The following RTKN variants were observed in gnomAD, a reference collection of about 807,000 sequenced individuals.
RTKN encodes rhotekin.
A neutral mutation model predicts 63.5 loss-of-function variants in RTKN; 49 were observed. The ratio of observed to expected loss-of-function variants is 0.77; its 90% CI spans 0.61 to 0.98. The LOEUF is 0.98. Ranked by LOEUF, RTKN falls within the 50% of genes least tolerant of loss-of-function variation. RTKN has a pLI of 0.00. For missense variants in RTKN, 685 were observed against 740.8 expected, an observed-to-expected ratio of 0.92 and a Z score of 0.87; for synonymous variants, 295 against 290.4, an observed-to-expected ratio of 1.02 and a Z score of -0.16.
At chr2:74,433,009 A>C (rs565449688) in intron 1 of RTKN, among the ~76,000 whole-genome samples, 41 of 152,196 alleles carry the variant, frequency 2.7e-4, no homozygotes, top group African/African-American at 9.1e-4. Context: ...TTTGGGAGGC[A>C]GAGGCAGGCG....
chr2:74,428,108 T>G, intron 9 of RTKN, 160 bp downstream of exon 9: 1 of 810,232 alleles, frequency 1.2e-6, no homozygotes, highest in Non-Finnish European at 2.0e-6. Context: ...AGTGATGCTG[T>G]AGTTGGGGAA....
At chr2:74,440,220 G>C in intron 1 of RTKN, 1 of 497,782 alleles carries the variant, frequency 2.0e-6, no homozygotes, top group Non-Finnish European at 2.6e-6. Context: ...AGCCACACAG[G>C]TGAGGACCTC....
chr2:74,433,256 A>C (rs966537200), intron 1 of RTKN, among the ~76,000 whole-genome samples: 26 of 150,086 alleles, frequency 1.7e-4, no homozygotes, highest in South Asian at 8.3e-4. Context: ...AAAAAAAAAA[A>C]CATATATATA....
rs1305253177 is a variant in RTKN, at chr2:74,427,194, C to A, written c.1335G>T (p.Lys445Asn). 1 of 1,614,074 alleles carries A rather than the reference C, an allele frequency of 6.2e-7. No homozygotes were observed. Among genetic ancestry groups the A allele is most frequent in the Admixed American group, 1.7e-5 (1 of 60,022 alleles). The change falls in exon 11 of 12, where the codon AAG (lysine) becomes AAT (asparagine). Residue 445 changes from lysine to asparagine, a missense_variant. Coordinates refer to ENST00000272430, the MANE Select transcript of RTKN (RefSeq NM_001015055.2). ...APRKPPQALA[K>N]QGSLYHEMAI... is the part of the protein sequence containing the mutation. Reference sequence around the variant, plus strand: ...CCATCTCATGGTACAAGGACCCCTGCTTTGCCAGTGCTTGGGGTGGTTTCC... The same window carrying A: ...CCATCTCATGGTACAAGGACCCCTGATTTGCCAGTGCTTGGGGTGGTTTCC...
At chr2:74,428,796 C>A in intron 7 of RTKN, 52 bp downstream of exon 7, 1 of 1,600,162 alleles carries the variant, frequency 6.2e-7, no homozygotes, top group Non-Finnish European at 8.6e-7. Context: ...CATCCCACAG[C>A]CCCTCTTCTC....
chr2:74,430,680 G>A lies in RTKN; in HGVS notation c.312-3C>T, dbSNP rs773675444. 3 of 1,611,448 alleles carry A rather than the reference G, an allele frequency of 1.9e-6. No individual in the cohort carries two copies. Among genetic ancestry groups the A allele is most frequent in the Non-Finnish European group, 2.5e-6 (3 of 1,179,648 alleles). ...CGGGCGGGCCACTGTCAGAAGGCCT[G>A]TGGATAAATCACAATGTCCTGGCCT... On this transcript the variant is annotated splice_polypyrimidine_tract_variant and splice_region_variant and intron_variant, in intron 2 of 11. Transcript: ENST00000272430.
chr2:74,429,905 C>A lies in RTKN; in HGVS notation c.678G>T (p.Gly226=), dbSNP rs751291543. ...TGTCCAGCGATGCCCGGACACGCCT[C>A]CCTGAGGAGCGGCCCAGGGAGCTGC... ...KLSSSLGRSS[G]RRVRASLDSA... Residue 226 remains glycine, a synonymous_variant, in exon 6 of 12, where the codon GGG becomes GGT. Transcript: ENST00000272430. The A allele has an allele frequency of 2.5e-6, 4 of 1,614,114 alleles. No individual in the cohort carries two copies. The East Asian group carries it at 8.9e-5, about 36-fold the overall frequency.
At position 74,427,572 on chromosome 2, in the gene RTKN, C is replaced by T. The variant is rs1182568070; in HGVS notation, c.1107G>A (p.Gly369=). The T allele has an allele frequency of 5.6e-6, 9 of 1,612,884 alleles. No individual in the cohort carries two copies. Among genetic ancestry groups the T allele is most frequent in the Non-Finnish European group, 7.6e-6 (9 of 1,179,878 alleles). Residue 369 remains glycine (G), a synonymous_variant, in exon 10 of 12, where the codon GGG becomes GGA. Coordinates refer to ENST00000272430, the MANE Select transcript of RTKN (RefSeq NM_001015055.2). ...AVNKETRVRA[G]ELDQALGRPF... is the part of the protein sequence containing the mutation. The stretch of plus-strand genomic sequence containing the variant: ...GCCGTCCTAGAGCCTGGTCCAGCTC[C>T]CCTGCCCGGACTCGAGTCTCCTGCA...
In RTKN at chr2:74,430,628, C is replaced by G. The variant is rs371194369; in HGVS notation, c.361G>C (p.Val121Leu). 12 of 1,613,808 alleles carry G rather than the reference C, an allele frequency of 7.4e-6. No individual in the cohort carries two copies. The highest frequency in any genetic ancestry group is 9.3e-6 in the Non-Finnish European group (11 of 1,180,000). Residue 121 changes from valine (V) to leucine (L), a missense_variant, in exon 3 of 12, where the codon GTC (valine) becomes CTC (leucine). Val to Leu is a conservative substitution (Grantham distance 32, BLOSUM62 1). Coordinates refer to ENST00000272430, the MANE Select transcript of RTKN (RefSeq NM_001015055.2). ...CTGTGCTTCTTACCAGAGATGCAGA[C>G]CCGGCCGCGGCAGGGGGAGCGCTCA... ...PAERSPCRGR[V>L]CISDLRIPLM...
chr2:74,437,530 G>A (rs1671126184), intron 1 of RTKN, among the ~76,000 whole-genome samples: 1 of 152,166 alleles, frequency 6.6e-6, no homozygotes, highest in South Asian at 2.1e-4. Context: ...ATTTTTTGGA[G>A]GAGGGTAGGA....
chr2:74,428,497 C>G, intron 8 of RTKN, 101 bp from the exon 9 acceptor site: 1 of 1,594,186 alleles, frequency 6.3e-7, no homozygotes, highest in Non-Finnish European at 8.6e-7. Flanking sequence ...CCCTGCTGTC[C>G]ATTCCTCCCC....
intron 1 of RTKN, chr2:74,439,674 A>C: frequency 1.2e-6 from 2 of 1,607,770 alleles, no homozygotes; most frequent in East Asian, 4.5e-5. Context: ...GAGGGGGGAC[A>C]GATAGGTACC....
chr2:74,427,984 A>G, intron 9 of RTKN: 1 of 517,396 alleles, frequency 1.9e-6, no homozygotes, highest in East Asian at 3.3e-5. Flanking sequence ...ATAAATTGGA[A>G]TCTGAGGGAG....
intron 1 of RTKN, chr2:74,440,265 G>T: frequency 1.4e-6 from 1 of 727,410 alleles, no homozygotes; most frequent in Non-Finnish European, 1.7e-6. Context: ...GGACAAAGGG[G>T]TGAGTTGGCA....
rs1670358687 is a variant in RTKN at position 74,425,871 on chromosome 2, C to A, written c.*372G>T. On this transcript the variant is annotated 3_prime_UTR_variant, in exon 12 of 12. Coordinates refer to ENST00000272430, the MANE Select transcript of RTKN (RefSeq NM_001015055.2). ...GAGAGAGGCACCCTGTCCTCAGGAG[C>A]CAGGTGAAGGCTGCTGTTAAATAAC... 2 of 1,105,330 alleles carry A rather than the reference C, an allele frequency of 1.8e-6. No individual in the cohort carries two copies. Among genetic ancestry groups the A allele is most frequent in the African/African-American group, 1.6e-5 (1 of 63,690 alleles). The allele number at this position is 1,105,330 out of a possible 1,614,324, so 68.5% of individuals were successfully genotyped here. A position where few individuals can be genotyped will look rare whatever the true frequency, so the allele number is the denominator to read the frequency against.
intron 9 of RTKN, 24 bp downstream of exon 9, chr2:74,428,244 C>A: frequency 6.2e-7 from 1 of 1,614,066 alleles, no homozygotes; most frequent in Non-Finnish European, 8.5e-7. Flanking sequence ...CCCTTGGTGG[C>A]CTTACTACCA....
rs770482399 is a variant in RTKN at position 74,426,537 on chromosome 2, G to A, written c.1398C>T (p.Asp466=). The change falls in exon 12 of 12, where the codon GAC becomes GAT. Residue 466 remains aspartate, a synonymous_variant. Transcript: ENST00000272430. The part of the protein sequence containing the change: ...EPLDDIAAVT[D]ILTQREGARL... ...TTGCGCCCTCCCGCTGGGTCAGGAT[G>A]TCTGTCACCGCTGCGATGTCATCCA... The A allele has an allele frequency of 3.2e-6, 5 of 1,545,306 alleles. No individual in the cohort carries two copies. In the African/African-American group the frequency reaches 6.8e-5, roughly 21 times the overall value.
chr2:74,431,035 A>T, intron 2 of RTKN: 3 of 246,770 alleles, frequency 1.2e-5, no homozygotes, highest in South Asian at 1.2e-4. Context: ...TCTCCATTAA[A>T]CCCCTGGCTT....
In RTKN at chr2:74,432,540, T is replaced by C. The variant is rs1463027644; in HGVS notation, c.238A>G (p.Ser80Gly). The C allele has an allele frequency of 6.2e-7, 1 of 1,614,058 alleles. No individual in the cohort carries two copies. Among genetic ancestry groups the C allele is most frequent in the Non-Finnish European group, 8.5e-7 (1 of 1,180,038 alleles). ...TCGCCCATGTAGCTGAGGATGCGGC[T>C]GTTGCACACTAGCAGGCTCTTGGTG... ...EATKSLLVCN[S>G]RILSYMGELQ... Residue 80 changes from serine (S) to glycine (G), a missense_variant, in exon 2 of 12, where the codon AGC becomes GGC. Coordinates refer to ENST00000272430, the MANE Select transcript of RTKN (RefSeq NM_001015055.2).
Sources: allele counts gnomAD v4.1 joint callset (sites outside exome capture counted in the v4.1 genomes callset), GRCh38; gene constraint gnomAD v4.1.1; transcripts MANE v1.5; gene names NCBI Gene and HGNC (gene_info 2026-07-23, HGNC 2026-07-21).